The following BORCS5 variants were observed in gnomAD, a reference collection of about 807,000 sequenced individuals.
The protein encoded by BORCS5 is BLOC-1 related complex subunit 5, also known as BLOC-1-related complex subunit 5.
Under a neutral mutation model 22.1 loss-of-function variants are expected in BORCS5, and 17 were observed. The ratio of observed to expected loss-of-function variants is 0.77; its 90% CI spans 0.53 to 1.15. The LOEUF (loss-of-function observed/expected upper bound fraction) is 1.15. Among genes scored for constraint, BORCS5 ranks in the 50% most tolerant of loss-of-function variants. BORCS5 has a pLI of 0.00. For synonymous variants in BORCS5, 117 were observed against 99.8 expected (o/e 1.17, Z -1.03); for missense variants, 247 against 253.2 (o/e 0.98, Z 0.17).
intron 3 of BORCS5, among the ~76,000 whole-genome samples, chr12:12,465,056 C>T (rs974412772): frequency 1.3e-5 from 2 of 152,108 alleles, no homozygotes; most frequent in African/African-American, 2.4e-5. Context: ...ACTGCAGCTT[C>T]GACCTTCTGG....
intron 2 of BORCS5, 62 bp downstream of exon 2, chr12:12,361,411 T>G: frequency 6.4e-7 from 1 of 1,562,726 alleles, no homozygotes; most frequent in South Asian, 1.1e-5. Context: ...CCCTACTACT[T>G]TCCCTCTACT....
intron 3 of BORCS5, among the ~76,000 whole-genome samples, chr12:12,464,515 A>G (rs1943164779): frequency 6.6e-6 from 1 of 152,134 alleles, no homozygotes; most frequent in Non-Finnish European, 1.5e-5. Flanking sequence ...GGAATAAACC[A>G]GAAGGAAGGG....
At position 12,452,489 on chromosome 12, in the gene BORCS5, G is replaced by C. The variant is rs1592138642; in HGVS notation, c.361-13057G>C. ...ATTAGGATCGCCTTGATCGTGGCTG[G>C]GTCGGGCCCACCGGGTAGGCACTGG... is the stretch of plus-strand genomic sequence containing the variant. On this transcript the variant is annotated intron_variant, in intron 3 of 3. Coordinates refer to ENST00000314565, the MANE Select transcript of BORCS5 (RefSeq NM_058169.6). 1.9e-5 allele frequency: 9 copies of C among 467,114 alleles called. No homozygotes were observed. The East Asian group carries it at 5.7e-4, about 30-fold the overall frequency. 28.9% of individuals were successfully genotyped at this position (467,114 alleles called of 1,614,324 possible).
intron 2 of BORCS5, among the ~76,000 whole-genome samples, chr12:12,372,459 C>T (rs904167069): frequency 6.6e-6 from 1 of 152,220 alleles, no homozygotes; most frequent in African/African-American, 2.4e-5. Flanking sequence ...AAACCGCCTG[C>T]TTCAGTCCAC....
chr12:12,418,155 C>T (rs1308516638), intron 2 of BORCS5, among the ~76,000 whole-genome samples: 6 of 151,290 alleles, frequency 4.0e-5, no homozygotes, highest in Middle Eastern at 3.2e-3. Flanking sequence ...TCCTGAGTAG[C>T]TGGGACTATA....
intron 3 of BORCS5, among the ~76,000 whole-genome samples, chr12:12,438,374 A>AAAAAACAAAAAAC (rs1752223633): frequency 6.4e-5 from 8 of 125,042 alleles, no homozygotes; most frequent in Non-Finnish European, 6.3e-5. Context: ...AAAAAAAAAA[A>AAAAAACAAAAAAC]AAAAAACGAA....
chr12:12,423,438 CTT>C (rs939681383), intron 2 of BORCS5, among the ~76,000 whole-genome samples: 120 of 57,210 alleles, frequency 2.1e-3, no homozygotes, highest in African/African-American at 6.7e-3. Context: ...ACTCCCTCAG[CTT>C]TTTTTTTTTT....
chr12:12,404,983 G>A (rs927251370), intron 2 of BORCS5, among the ~76,000 whole-genome samples: 37 of 152,184 alleles, frequency 2.4e-4, no homozygotes, highest in Non-Finnish European at 2.9e-5. Context: ...TTACAGGCAT[G>A]AGCCACCGCG....
Position 12,465,809 on chromosome 12 carries a change from C to A in BORCS5, c.*33C>A. ...CCGGCCTGCCTGGGGCTGGGAGCCC[C>A]AGACACCGACACCCTGAGGACGTGT... On this transcript the variant is annotated 3_prime_UTR_variant, in exon 4 of 4. Coordinates refer to ENST00000314565, the MANE Select transcript of BORCS5 (RefSeq NM_058169.6). 1 of 1,566,352 alleles carries A rather than the reference C, an allele frequency of 6.4e-7. No homozygotes were observed. The highest frequency in any genetic ancestry group is 1.7e-5 in the Admixed American group (1 of 58,308).
At chr12:12,448,143 C>T (rs908297003) in intron 3 of BORCS5, among the ~76,000 whole-genome samples, 2 of 152,194 alleles carry the variant, frequency 1.3e-5, no homozygotes, top group Non-Finnish European at 2.9e-5. Flanking sequence ...AGCTAACGTC[C>T]ACCTTCGAAA....
intron 2 of BORCS5, among the ~76,000 whole-genome samples, chr12:12,362,662 T>TAA (rs1555143644): frequency 7.0e-6 from 1 of 143,418 alleles, no homozygotes; most frequent in African/African-American, 2.6e-5. Flanking sequence ...TTTTTTTTTT[T>TAA]AGAGTTTTGC....
intron 2 of BORCS5, among the ~76,000 whole-genome samples, chr12:12,379,455 C>T (rs1863730078): frequency 6.6e-6 from 1 of 151,382 alleles, no homozygotes; most frequent in Non-Finnish European, 1.5e-5. Context: ...TTTTAAACTT[C>T]TTATTCAAAA....
Position 12,465,824 on chromosome 12 carries a change from T to C in BORCS5, c.*48T>C. 1 of 1,494,506 alleles carries C rather than the reference T, an allele frequency of 6.7e-7. No individual in the cohort carries two copies. Among genetic ancestry groups the C allele is most frequent in the Non-Finnish European group, 9.2e-7 (1 of 1,091,972 alleles). The allele number at this position is 1,494,506 out of a possible 1,614,324, so 92.6% of individuals were successfully genotyped here. ...CTGGGAGCCCCAGACACCGACACCCTGAGGACGTGTGGAGCTAAGGTCATA... is the reference window on the plus strand; with the variant it reads ...CTGGGAGCCCCAGACACCGACACCCCGAGGACGTGTGGAGCTAAGGTCATA... On this transcript the variant is annotated 3_prime_UTR_variant, in exon 4 of 4. Coordinates refer to ENST00000314565, the MANE Select transcript of BORCS5 (RefSeq NM_058169.6).
At chr12:12,388,202 T>G (rs1174199023) in intron 2 of BORCS5, among the ~76,000 whole-genome samples, 1 of 151,332 alleles carries the variant, frequency 6.6e-6, no homozygotes, top group Non-Finnish European at 1.5e-5. Flanking sequence ...CCACAAACTG[T>G]ATTTATTACT....
intron 1 of BORCS5, among the ~76,000 whole-genome samples, chr12:12,360,295 G>A (rs1863250664): frequency 6.6e-6 from 1 of 152,192 alleles, no homozygotes; most frequent in Admixed American, 6.5e-5. Flanking sequence ...CCAGGAGGCG[G>A]AGGTTGCAGT....
intron 2 of BORCS5, among the ~76,000 whole-genome samples, chr12:12,395,110 G>T (rs1941301651): frequency 6.6e-6 from 1 of 151,974 alleles, no homozygotes; most frequent in Non-Finnish European, 1.5e-5. Context: ...GTTAGGTTGG[G>T]TTGGGAAGGT....
rs540971238 is a variant in BORCS5, at chr12:12,402,361, T to G, written c.203-33267T>G. Among the ~76,000 whole-genome samples the G allele has an allele frequency of 2.6e-5, 4 of 152,292 alleles. No homozygotes were observed. The South Asian group carries it at 8.3e-4, about 32-fold the overall frequency. Reference sequence around the variant, plus strand: ...GGATCATGAGATTCGTGAATTCAGCTTCTGTCATATTTGAATTGAGTGGCA... The same window carrying G: ...GGATCATGAGATTCGTGAATTCAGCGTCTGTCATATTTGAATTGAGTGGCA... On this transcript the variant is annotated intron_variant, in intron 2 of 3. Coordinates refer to ENST00000314565, the MANE Select transcript of BORCS5 (RefSeq NM_058169.6).
At chr12:12,449,740 G>A (rs940703526) in intron 3 of BORCS5, among the ~76,000 whole-genome samples, 1 of 152,196 alleles carries the variant, frequency 6.6e-6, no homozygotes, top group African/African-American at 2.4e-5. Context: ...AATCGATGCC[G>A]TTCAGCCTGT....
rs575775948 is a variant in BORCS5, at chr12:12,438,340, G to A, written c.360+2555G>A. On this transcript the variant is annotated intron_variant, in intron 3 of 3. Transcript: ENST00000314565. The stretch of plus-strand genomic sequence containing the variant: ...CATGTCACTGCACTCCAACCAGGGC[G>A]ACAGAGCCAGATTTCATCTCAAAAA... 7.1e-5 allele frequency among the ~76,000 whole-genome samples: 8 copies of A among 113,302 alleles called. No homozygotes were observed. In the South Asian group the frequency reaches 1.1e-3, roughly 15 times the overall value. 74.3% of individuals were successfully genotyped at this position (113,302 alleles called of 152,430 possible). A position where few individuals can be genotyped will look rare whatever the true frequency, so the allele number is the denominator to read the frequency against.
Sources: allele counts gnomAD v4.1 joint callset (sites outside exome capture counted in the v4.1 genomes callset), GRCh38; gene constraint gnomAD v4.1.1; transcripts MANE v1.5; gene names NCBI Gene and HGNC (gene_info 2026-07-23, HGNC 2026-07-21).